The following FUT8 variants were observed in gnomAD, a reference collection of about 807,000 sequenced individuals.
The protein encoded by FUT8 is fucosyltransferase 8.
Under a neutral mutation model 71.3 loss-of-function variants are expected in FUT8, and 29 were observed. The observed-to-expected ratio is 0.41, with a 90% CI of 0.30 to 0.55. FUT8 has a LOEUF of 0.55. FUT8 is among the 20% of genes least tolerant of loss of function. The probability of loss-of-function intolerance (pLI) is 0.34; values close to 1 mark genes in which losing one functional copy is unlikely to be tolerated. For synonymous variants in FUT8, 254 were observed against 239.3 expected (o/e 1.06, Z -0.57); for missense variants, 544 against 702.1 (o/e 0.77, Z 2.55).
At chr14:65,373,952 A>G in the FUT8 span, among the ~76,000 whole-genome samples, 27 of 152,326 alleles carry the variant, frequency 1.8e-4, no homozygotes, top group African/African-American at 6.3e-4. Flanking sequence ...TAAGAGGAGA[A>G]GAACCGGAAG....
chr14:65,579,983 T>C (rs978365383), intron 3 of FUT8, among the ~76,000 whole-genome samples: 7 of 151,826 alleles, frequency 4.6e-5, no homozygotes, highest in Non-Finnish European at 5.9e-5. Context: ...GCAAAAGTCA[T>C]TTCAAGGTAT....
At position 65,652,074 on chromosome 14, in the gene FUT8, A is replaced by G. The variant is rs1199063251; in HGVS notation, c.598-17169A>G. 6.6e-6 allele frequency among the ~76,000 whole-genome samples: 1 copy of G among 152,222 alleles called. No individual in the cohort carries two copies. The highest frequency in any genetic ancestry group is 1.5e-5 in the Non-Finnish European group (1 of 68,046). On this transcript the variant is annotated intron_variant, in intron 6 of 10. Coordinates refer to ENST00000673929, the MANE Select transcript of FUT8 (RefSeq NM_001371533.1). The surrounding 1 kb of genome is among the most constrained non-coding windows in gnomAD (Gnocchi z 4.0). ...CAAGGAATGACAAGGATGGCTGGCAACCACCAGAAGCCGGGAGAGAGACAT... is the reference window on the plus strand; with the variant it reads ...CAAGGAATGACAAGGATGGCTGGCAGCCACCAGAAGCCGGGAGAGAGACAT...
the FUT8 span, among the ~76,000 whole-genome samples, chr14:65,382,248 T>A: frequency 3.3e-5 from 5 of 152,240 alleles, no homozygotes; most frequent in African/African-American, 1.2e-4. Context: ...TCTGGATTAG[T>A]GCTTCTCAAT....
At chr14:65,645,112 A>T (rs1891060189) in intron 6 of FUT8, among the ~76,000 whole-genome samples, 1 of 152,214 alleles carries the variant, frequency 6.6e-6, no homozygotes, top group Non-Finnish European at 1.5e-5. Context: ...CAAAATTTTC[A>T]TTGCACGTGT....
intron 6 of FUT8, among the ~76,000 whole-genome samples, chr14:65,632,895 A>G (rs1890266363): frequency 6.6e-6 from 1 of 152,062 alleles, no homozygotes; most frequent in Non-Finnish European, 1.5e-5. Flanking sequence ...ATTTTTGTAT[A>G]AGGTGAGAGA....
intron 2 of FUT8, among the ~76,000 whole-genome samples, chr14:65,541,443 G>A (rs111684049): frequency 1.3e-4 from 20 of 152,318 alleles, no homozygotes; most frequent in African/African-American, 4.8e-4. Flanking sequence ...AGTTCAAGGT[G>A]GAAGGCCTTC....
the FUT8 span, among the ~76,000 whole-genome samples, chr14:65,375,268 G>T: frequency 2.6e-5 from 4 of 152,046 alleles, no homozygotes; most frequent in Non-Finnish European, 5.9e-5. Context: ...GGCAAATATT[G>T]TAGGCAATGA....
rs193068275 is a variant in FUT8, at chr14:65,677,102, A to G, written c.835+7622A>G. On this transcript the variant is annotated intron_variant, in intron 7 of 10. Transcript: ENST00000673929. The stretch of plus-strand genomic sequence containing the variant: ...GGTTTATACATCAGTTCCATTGGAA[A>G]GAAAGACATATTTGTGTGTGTGTGT... 1.2e-3 allele frequency among the ~76,000 whole-genome samples: 162 copies of G among 139,204 alleles called. 2 individuals are homozygous for G. Among genetic ancestry groups the G allele is most frequent in the Non-Finnish European group, 4.9e-4 (31 of 62,904 alleles). The allele number at this position is 139,204 out of a possible 152,430, so 91.3% of individuals were successfully genotyped here. A position where few individuals can be genotyped will look rare whatever the true frequency, so the allele number is the denominator to read the frequency against.
intron 1 of FUT8, among the ~76,000 whole-genome samples, chr14:65,422,503 CT>C (rs898962182): frequency 5.4e-5 from 8 of 148,076 alleles, no homozygotes; most frequent in Admixed American, 1.4e-4. Flanking sequence ...CTCCATATTT[CT>C]TTTTTTTTTA....
At chr14:65,605,344 C>T (rs1478161562) in intron 3 of FUT8, among the ~76,000 whole-genome samples, 1 of 151,896 alleles carries the variant, frequency 6.6e-6, no homozygotes, top group African/African-American at 2.4e-5. Flanking sequence ...CTTCCCCCAC[C>T]CATCCAGATT....
intron 6 of FUT8, among the ~76,000 whole-genome samples, chr14:65,630,600 C>G (rs1019918946): frequency 6.6e-6 from 1 of 151,934 alleles, no homozygotes; most frequent in African/African-American, 2.4e-5. Context: ...GATAAGAGGA[C>G]CATAGTGCAG....
intron 7 of FUT8, among the ~76,000 whole-genome samples, chr14:65,692,801 G>A (rs1594903826): frequency 4.0e-5 from 6 of 151,814 alleles, no homozygotes. Flanking sequence ...GGGGCGGCCG[G>A]GCAGAGACGC....
chr14:65,452,565 C>G (rs1048153135), intron 1 of FUT8, among the ~76,000 whole-genome samples: 2 of 152,154 alleles, frequency 1.3e-5, no homozygotes, highest in African/African-American at 4.8e-5. Context: ...AGCTAGAGTT[C>G]ACAAGGTAGA....
intron 7 of FUT8, among the ~76,000 whole-genome samples, chr14:65,695,602 A>C (rs1262259759): frequency 2.0e-5 from 3 of 151,402 alleles, no homozygotes; most frequent in Non-Finnish European, 4.4e-5. Context: ...CCAACCTTTT[A>C]CTTTTAACCT....
chr14:65,656,335 T>C (rs1411944911), intron 6 of FUT8, among the ~76,000 whole-genome samples: 2 of 152,150 alleles, frequency 1.3e-5, no homozygotes, highest in African/African-American at 2.4e-5. Context: ...TGTTTCTATA[T>C]GCCAACAGTG....
Position 65,678,285 on chromosome 14 carries a change from A to G in FUT8, c.835+8805A>G, listed in dbSNP as rs76938512. Among the ~76,000 whole-genome samples, 514 of 152,336 alleles carry G rather than the reference A, an allele frequency of 3.4e-3. 17 individuals are homozygous for G. The East Asian group carries it at 0.058, about 17-fold the overall frequency. On this transcript the variant is annotated intron_variant, in intron 7 of 10. Transcript: ENST00000673929. ...TTTTTGTGTAGCCATCCTCCCAAAG[A>G]GAGCCAGCTTTGGCTCCCTAGCTCC...
chr14:65,498,292 G>A (rs1043695371), intron 2 of FUT8, among the ~76,000 whole-genome samples: 3 of 151,958 alleles, frequency 2.0e-5, no homozygotes, highest in African/African-American at 7.3e-5. Flanking sequence ...ATTGCCTCAC[G>A]TCATAATTTT....
intron 1 of FUT8, among the ~76,000 whole-genome samples, chr14:65,452,450 G>T (rs2065842126): frequency 6.6e-6 from 1 of 152,200 alleles, no homozygotes; most frequent in Non-Finnish European, 1.5e-5. Flanking sequence ...CTCACACCTA[G>T]AGAGGGTTTG....
chr14:65,632,267 G>C (rs1008229164), intron 6 of FUT8, among the ~76,000 whole-genome samples: 1 of 152,152 alleles, frequency 6.6e-6, no homozygotes, highest in African/African-American at 2.4e-5. Flanking sequence ...GGATCAAATG[G>C]TAGCTCTACT....
Sources: gnomAD v4.1 joint callset for allele counts (sites outside exome capture counted in the v4.1 genomes callset) on GRCh38, gnomAD v4.1.1 for gene constraint, Gnocchi (gnomAD v3.1) non-coding constraint, MANE v1.5 for transcripts, NCBI Gene and HGNC (gene_info 2026-07-23, HGNC 2026-07-21) for gene names.